NKAIN2: variants seen among roughly 807,000 people sequenced by gnomAD.
The protein encoded by NKAIN2 is sodium/potassium-transporting ATPase subunit beta-1-interacting protein 2.
In NKAIN2, 14 loss-of-function variants were observed where a neutral mutation model predicts 32.6. That is an observed-to-expected ratio of 0.43 (90% CI 0.28 to 0.67). The LOEUF is 0.67. Ranked by LOEUF, NKAIN2 falls within the 30% of genes least tolerant of loss-of-function variation. The pLI is 0.17. For missense variants in NKAIN2, 198 were observed against 258.3 expected (o/e 0.77, Z 1.60); for synonymous variants, 80 against 87.2 (o/e 0.92, Z 0.46).
intron 3 of NKAIN2, among the ~76,000 whole-genome samples, chr6:124,438,094 A>G (rs980056308): frequency 6.6e-6 from 1 of 152,196 alleles, no homozygotes; most frequent in East Asian, 1.9e-4. Context: ...TTTTACAGAA[A>G]TGGCTTTCTC....
intron 1 of NKAIN2, among the ~76,000 whole-genome samples, chr6:124,136,551 C>CA (rs1160162602): frequency 6.6e-6 from 1 of 151,846 alleles, no homozygotes; most frequent in African/African-American, 2.4e-5. Flanking sequence ...AAGGAAATAA[C>CA]AAAAAAGAAA....
At chr6:124,460,068 G>C (rs935315580) in intron 3 of NKAIN2, among the ~76,000 whole-genome samples, 1 of 151,522 alleles carries the variant, frequency 6.6e-6, no homozygotes, top group Admixed American at 6.6e-5. Context: ...ACCTTAATGT[G>C]TTCACTTAAT....
intron 3 of NKAIN2, among the ~76,000 whole-genome samples, chr6:124,539,912 G>A (rs1779850057): frequency 6.6e-6 from 1 of 152,014 alleles, no homozygotes; most frequent in South Asian, 2.1e-4. Flanking sequence ...GTAGAGATGG[G>A]GTTTCACTGT....
chr6:123,874,724 A>G lies in NKAIN2; in HGVS notation c.54+70470A>G, dbSNP rs181667813. On this transcript the variant is annotated intron_variant, in intron 1 of 6. Transcript: ENST00000368417. ...TAAAAATTGAATTGGCCTATAAAAT[A>G]TTTTTATCACTTCTTCTGATTATAA... Among the ~76,000 whole-genome samples, 343 of 152,166 alleles carry G rather than the reference A, an allele frequency of 2.3e-3. 3 individuals carry two copies. Among genetic ancestry groups the G allele is most frequent in the South Asian group, 0.012 (60 of 4,828 alleles).
chr6:124,264,231 A>G (rs960653298), intron 1 of NKAIN2, among the ~76,000 whole-genome samples: 8 of 152,204 alleles, frequency 5.3e-5, no homozygotes, highest in African/African-American at 1.7e-4. Flanking sequence ...TATTTTGTTT[A>G]AACTCTCCTT....
intron 1 of NKAIN2, among the ~76,000 whole-genome samples, chr6:124,071,982 C>A (rs1260312546): frequency 6.6e-6 from 1 of 152,086 alleles, no homozygotes; most frequent in Non-Finnish European, 1.5e-5. Context: ...GGATATATAT[C>A]CGAAAGAAAA....
At chr6:124,154,980 G>A (rs1353962918) in intron 1 of NKAIN2, among the ~76,000 whole-genome samples, 1 of 152,052 alleles carries the variant, frequency 6.6e-6, no homozygotes, top group East Asian at 1.9e-4. Flanking sequence ...TTGCCACATG[G>A]CAGGAAAAGA....
At chr6:124,326,985 A>T (rs2115039573) in intron 2 of NKAIN2, among the ~76,000 whole-genome samples, 1 of 152,150 alleles carries the variant, frequency 6.6e-6, no homozygotes, top group Non-Finnish European at 1.5e-5. Context: ...CGTTCTGATC[A>T]ATGTGAGATT....
chr6:123,951,159 A>C (rs235666), intron 1 of NKAIN2, among the ~76,000 whole-genome samples: 14,473 of 152,036 alleles, frequency 0.095, 2,215 homozygotes, highest in African/African-American at 0.32. Context: ...ACATTTGTTA[A>C]GAATTGTTCT....
chr6:124,320,219 G>C (rs1797118099), intron 2 of NKAIN2, among the ~76,000 whole-genome samples: 1 of 152,044 alleles, frequency 6.6e-6, no homozygotes. Flanking sequence ...CTCATATTTA[G>C]TTGTCTCTTG....
chr6:123,812,770 T>G (rs545948055), intron 1 of NKAIN2, among the ~76,000 whole-genome samples: 30 of 152,334 alleles, frequency 2.0e-4, no homozygotes, highest in Middle Eastern at 6.8e-3. Flanking sequence ...CTGACTTTTG[T>G]TTTTTAATCA....
intron 2 of NKAIN2, among the ~76,000 whole-genome samples, chr6:124,283,747 G>A (rs1186032033): frequency 6.6e-6 from 1 of 152,002 alleles, no homozygotes; most frequent in Non-Finnish European, 1.5e-5. Flanking sequence ...ATAACTCAGG[G>A]TTGCTTTTTT....
intron 3 of NKAIN2, among the ~76,000 whole-genome samples, chr6:124,449,842 C>T (rs1379320859): frequency 1.3e-5 from 2 of 152,104 alleles, no homozygotes; most frequent in African/African-American, 2.4e-5. Context: ...TAGCTCATAT[C>T]AAGAAATGCT....
chr6:123,846,626 T>G (rs1775101362), intron 1 of NKAIN2, among the ~76,000 whole-genome samples: 1 of 152,090 alleles, frequency 6.6e-6, no homozygotes, highest in Admixed American at 6.5e-5. Flanking sequence ...TTGCATCAAG[T>G]AAAACTAGGT....
At chr6:124,090,103 A>T (rs1367604987) in intron 1 of NKAIN2, among the ~76,000 whole-genome samples, 1 of 152,032 alleles carries the variant, frequency 6.6e-6, no homozygotes, top group African/African-American at 2.4e-5. Context: ...ACTAGCATTT[A>T]ATATATGCTT....
intron 3 of NKAIN2, among the ~76,000 whole-genome samples, chr6:124,523,856 A>C (rs990903311): frequency 6.6e-6 from 1 of 152,192 alleles, no homozygotes; most frequent in African/African-American, 2.4e-5. Context: ...ACCTATATTT[A>C]AAATATCCTA....
intron 4 of NKAIN2, among the ~76,000 whole-genome samples, chr6:124,712,587 G>GC (rs1289478032): frequency 6.9e-6 from 1 of 143,932 alleles, no homozygotes; most frequent in Non-Finnish European, 1.5e-5. Flanking sequence ...TTTTCCAGGT[G>GC]CGTCCGTCAC....
chr6:124,541,769 G>A (rs1017392718), intron 3 of NKAIN2, among the ~76,000 whole-genome samples: 1 of 152,160 alleles, frequency 6.6e-6, no homozygotes, highest in Non-Finnish European at 1.5e-5. Flanking sequence ...GCTGGCATCC[G>A]TCTCCTTGGA....
At chr6:123,862,386 C>T (rs964553124) in intron 1 of NKAIN2, among the ~76,000 whole-genome samples, 3 of 152,062 alleles carry the variant, frequency 2.0e-5, no homozygotes, top group Non-Finnish European at 2.9e-5. Context: ...ATTTTCATTC[C>T]AGATCTTTAT....
Sources: gnomAD v4.1 joint callset for allele counts (sites outside exome capture counted in the v4.1 genomes callset) on GRCh38, gnomAD v4.1.1 for gene constraint, MANE v1.5 for transcripts, NCBI Gene and HGNC (gene_info 2026-07-23, HGNC 2026-07-21) for gene names.